The following ENTREP2 variants were observed in gnomAD, a reference collection of about 807,000 sequenced individuals.
ENTREP2 encodes the protein endosomal transmembrane epsin interactor 2.
At chr15:29,244,237 T>A in the ENTREP2 span, among the ~76,000 whole-genome samples, 1 of 152,186 alleles carries the variant, frequency 6.6e-6, no homozygotes, top group Non-Finnish European at 1.5e-5. Context: ...AAAATTTACA[T>A]GCATCTTGAT....
the ENTREP2 span, among the ~76,000 whole-genome samples, chr15:29,304,277 C>CA: frequency 6.6e-6 from 1 of 152,142 alleles, no homozygotes; most frequent in Non-Finnish European, 1.5e-5. Flanking sequence ...GAACTTGACA[C>CA]CTGACCAAAT....
At chr15:29,636,461 A>G in the ENTREP2 span, among the ~76,000 whole-genome samples, 1 of 152,322 alleles carries the variant, frequency 6.6e-6, no homozygotes, top group Non-Finnish European at 1.5e-5. Context: ...CTTAGAGCCC[A>G]GTGCAGCTGA....
At chr15:29,603,258 T>G in the ENTREP2 span, among the ~76,000 whole-genome samples, 7 of 151,970 alleles carry the variant, frequency 4.6e-5, no homozygotes. Context: ...GTCAAACCAG[T>G]GTTTGAGGCA....
the ENTREP2 span, chr15:29,234,288 C>A: frequency 1.9e-6 from 3 of 1,612,258 alleles, no homozygotes; most frequent in Non-Finnish European, 2.5e-6. Flanking sequence ...GCTGTATCAT[C>A]TTTCGGGTCA....
the ENTREP2 span, among the ~76,000 whole-genome samples, chr15:29,628,134 C>T: frequency 6.6e-6 from 1 of 152,198 alleles, no homozygotes; most frequent in Non-Finnish European, 1.5e-5. Context: ...CACATCCTCA[C>T]CAACACTTGT....
At chr15:29,208,163 A>T in the ENTREP2 span, among the ~76,000 whole-genome samples, 1 of 49,510 alleles carries the variant, frequency 2.0e-5, no homozygotes, top group African/African-American at 8.2e-5. Flanking sequence ...CCCTCCCCCC[A>T]CCCTGAGTCC....
chr15:29,651,695 C>A, the ENTREP2 span, among the ~76,000 whole-genome samples: 4 of 152,242 alleles, frequency 2.6e-5, no homozygotes, highest in African/African-American at 9.6e-5. Flanking sequence ...GGCACTGTCA[C>A]AGCCCAGCTG....
the ENTREP2 span, among the ~76,000 whole-genome samples, chr15:29,184,818 A>T: frequency 6.6e-6 from 1 of 152,194 alleles, no homozygotes; most frequent in African/African-American, 2.4e-5. Flanking sequence ...ACCATGGGAC[A>T]TGGAGCCTAC....
chr15:29,218,025 T>A, the ENTREP2 span, among the ~76,000 whole-genome samples: 2 of 152,148 alleles, frequency 1.3e-5, no homozygotes, highest in African/African-American at 4.8e-5. Context: ...GTCTTCTGGG[T>A]CTGGCCACCC....
chr15:29,553,646 G>C, the ENTREP2 span, among the ~76,000 whole-genome samples: 1 of 152,190 alleles, frequency 6.6e-6, no homozygotes, highest in Non-Finnish European at 1.5e-5. Context: ...AAAGCAAGCA[G>C]TTTCCACCTA....
chr15:29,660,434 G>C, the ENTREP2 span, among the ~76,000 whole-genome samples: 11 of 152,228 alleles, frequency 7.2e-5, no homozygotes, highest in Middle Eastern at 3.4e-3. Context: ...CCAGTGACTT[G>C]ATCTTTGACT....
chr15:29,390,272 G>A, the ENTREP2 span, among the ~76,000 whole-genome samples: 1 of 152,152 alleles, frequency 6.6e-6, no homozygotes, highest in Non-Finnish European at 1.5e-5. Context: ...GAGAAAAAGG[G>A]TCATGAATCT....
the ENTREP2 span, among the ~76,000 whole-genome samples, chr15:29,305,807 A>G: frequency 6.6e-6 from 1 of 152,230 alleles, no homozygotes; most frequent in African/African-American, 2.4e-5. Context: ...AGCCCAAAAA[A>G]GAAGCTGAAC....
At chr15:29,570,368 C>G in the ENTREP2 span, 1 of 449,016 alleles carries the variant, frequency 2.2e-6, no homozygotes, top group Non-Finnish European at 3.5e-6. Flanking sequence ...GAACTGCGCC[C>G]CGCGCTGCAG....
At chr15:29,658,835 A>C in the ENTREP2 span, among the ~76,000 whole-genome samples, 5 of 152,210 alleles carry the variant, frequency 3.3e-5, no homozygotes, top group Admixed American at 6.5e-5. Context: ...TTGATCAAAC[A>C]TGAATATTAT....
chr15:29,406,708 A>C, the ENTREP2 span, among the ~76,000 whole-genome samples: 1 of 152,112 alleles, frequency 6.6e-6, no homozygotes, highest in South Asian at 2.1e-4. Context: ...TTGTTTCTTC[A>C]GTTTACTTTC....
the ENTREP2 span, among the ~76,000 whole-genome samples, chr15:29,334,245 G>T: frequency 6.6e-6 from 1 of 151,982 alleles, no homozygotes; most frequent in East Asian, 1.9e-4. Context: ...AAGTGAAGAA[G>T]GTCCCGGGGG....
the ENTREP2 span, among the ~76,000 whole-genome samples, chr15:29,188,043 G>A: frequency 6.6e-6 from 1 of 152,148 alleles, no homozygotes; most frequent in Non-Finnish European, 1.5e-5. Flanking sequence ...ATAGAGAGAG[G>A]GGCGGTATCG....
the ENTREP2 span, among the ~76,000 whole-genome samples, chr15:29,657,355 C>G: frequency 1.4e-5 from 2 of 146,754 alleles, no homozygotes; most frequent in African/African-American, 5.3e-5. Flanking sequence ...TCAAAGACGG[C>G]AGTGTTACAG....
Sources: allele counts gnomAD v4.1 joint callset (sites outside exome capture counted in the v4.1 genomes callset), GRCh38; gene constraint gnomAD v4.1.1; transcripts MANE v1.5; gene names NCBI Gene and HGNC (gene_info 2026-07-23, HGNC 2026-07-21).